DOCK3: variants seen among roughly 807,000 people sequenced by gnomAD.
DOCK3 encodes dedicator of cytokinesis 3.
In DOCK3, 60 loss-of-function variants were observed where a neutral mutation model predicts 265.6. The ratio of observed to expected loss-of-function variants is 0.23; its 90% CI spans 0.18 to 0.28. DOCK3 has a LOEUF of 0.28. Among genes scored for constraint, DOCK3 ranks in the 10% least tolerant of loss-of-function variants. The pLI is 1.00. For synonymous variants in DOCK3, 881 were observed against 938.0 expected (o/e 0.94, Z 1.11); for missense variants, 1,981 against 2,594.3 (o/e 0.76, Z 5.14).
intron 29 of DOCK3, 35 bp downstream of exon 29, chr3:51,312,114 C>G (rs775738333): frequency 6.4e-7 from 1 of 1,554,408 alleles, no homozygotes. Flanking sequence ...ACTATTATTG[C>G]AATAACCTTA....
intron 1 of DOCK3, among the ~76,000 whole-genome samples, chr3:50,776,323 C>T (rs936321804): frequency 1.3e-5 from 2 of 152,028 alleles, no homozygotes; most frequent in African/African-American, 2.4e-5. Flanking sequence ...ATTTGCATTT[C>T]CCAGAGGATT....
At chr3:51,362,719 T>G in intron 49 of DOCK3, 45 bp downstream of exon 49, 1 of 1,599,206 alleles carries the variant, frequency 6.3e-7, no homozygotes, top group South Asian at 1.1e-5. Flanking sequence ...AAGAGAGGTC[T>G]TCATCAACGC....
At chr3:51,328,196 C>T (rs1346459023) in intron 32 of DOCK3, among the ~76,000 whole-genome samples, 1 of 152,124 alleles carries the variant, frequency 6.6e-6, no homozygotes, top group African/African-American at 2.4e-5. Flanking sequence ...TATTTAGGCG[C>T]CAGTGGACTG....
intron 2 of DOCK3, among the ~76,000 whole-genome samples, chr3:50,830,872 C>A (rs1274172708): frequency 2.0e-5 from 3 of 152,178 alleles, no homozygotes; most frequent in Non-Finnish European, 4.4e-5. Context: ...ACAGGCAGAG[C>A]AGCCCTCCTG....
At chr3:51,099,645 GT>G (rs1316832342) in intron 9 of DOCK3, among the ~76,000 whole-genome samples, 1 of 152,178 alleles carries the variant, frequency 6.6e-6, no homozygotes, top group Non-Finnish European at 1.5e-5. Flanking sequence ...TGCACCAAAT[GT>G]TTATTTTTAC....
intron 5 of DOCK3, among the ~76,000 whole-genome samples, chr3:51,020,573 G>A (rs1356394524): frequency 6.6e-6 from 1 of 151,848 alleles, no homozygotes; most frequent in Non-Finnish European, 1.5e-5. Context: ...TTATTGCCTA[G>A]GTTGTCTTCC....
intron 3 of DOCK3, among the ~76,000 whole-genome samples, chr3:50,843,417 A>G (rs968909793): frequency 1.4e-4 from 21 of 152,186 alleles, no homozygotes; most frequent in African/African-American, 5.1e-4. Flanking sequence ...GGGTTTCTCT[A>G]TTTCCATGTG....
At chr3:50,971,954 A>G (rs1416905059) in intron 5 of DOCK3, among the ~76,000 whole-genome samples, 1 of 152,224 alleles carries the variant, frequency 6.6e-6, no homozygotes, top group Non-Finnish European at 1.5e-5. Context: ...TCCATGACCT[A>G]TACAGGCAGG....
intron 4 of DOCK3, among the ~76,000 whole-genome samples, chr3:50,925,323 A>G (rs1168049487): frequency 6.6e-6 from 1 of 152,222 alleles, no homozygotes; most frequent in African/African-American, 2.4e-5. Context: ...TATTTTATGT[A>G]TATCAGATTG....
intron 23 of DOCK3, 82 bp downstream of exon 23, chr3:51,260,408 G>A: frequency 1.4e-6 from 2 of 1,432,556 alleles, no homozygotes; most frequent in Non-Finnish European, 1.9e-6. Flanking sequence ...TTTCAGAGAT[G>A]AAGAAGCCCT....
At chr3:51,047,695 G>T (rs2080831513) in intron 5 of DOCK3, among the ~76,000 whole-genome samples, 1 of 152,080 alleles carries the variant, frequency 6.6e-6, no homozygotes. Flanking sequence ...TGATCAAGAA[G>T]AAGGATAAAG....
chr3:51,170,435 A>G (rs1438809970), intron 12 of DOCK3, among the ~76,000 whole-genome samples: 1 of 150,944 alleles, frequency 6.6e-6, no homozygotes, highest in Non-Finnish European at 1.5e-5. Flanking sequence ...CTTATTATTG[A>G]TTTTTTTTTA....
chr3:50,787,836 T>A, intron 2 of DOCK3: 1 of 1,116,728 alleles, frequency 9.0e-7, no homozygotes, highest in Non-Finnish European at 1.3e-6. Context: ...CCTCATTGTT[T>A]AAGAACAGGA....
chr3:51,178,645 A>G (rs2087109208), intron 12 of DOCK3, among the ~76,000 whole-genome samples: 1 of 152,128 alleles, frequency 6.6e-6, no homozygotes, highest in Non-Finnish European at 1.5e-5. Flanking sequence ...TTTTCTTCAC[A>G]GGGATAGAAG....
Position 51,208,871 on chromosome 3 carries a change from C to T in DOCK3, c.1126+9C>T, listed in dbSNP as rs1181002673. On this transcript the variant is annotated intron_variant, in intron 13 of 52. Transcript: ENST00000266037. ...CCCCAGCGCCAGCCATGGTGAGATA[C>T]TTCTCTGACTAGAACATTTTGTGTT... The T allele has an allele frequency of 6.2e-7, 1 of 1,604,684 alleles. No homozygotes were observed.
chr3:51,148,424 A>G (rs144248093), intron 10 of DOCK3, among the ~76,000 whole-genome samples: 5 of 152,324 alleles, frequency 3.3e-5, no homozygotes, highest in African/African-American at 9.6e-5. Context: ...GCCAATGCCT[A>G]TGTCCTGAAT....
intron 35 of DOCK3, among the ~76,000 whole-genome samples, chr3:51,336,417 A>T (rs990382202): frequency 6.6e-6 from 1 of 151,702 alleles, no homozygotes; most frequent in Non-Finnish European, 1.5e-5. Context: ...TGGAACCTCT[A>T]CCTGGAATGG....
chr3:51,283,270 A>C (rs962874220), intron 27 of DOCK3, among the ~76,000 whole-genome samples: 1 of 152,186 alleles, frequency 6.6e-6, no homozygotes, highest in African/African-American at 2.4e-5. Flanking sequence ...CTGCACCATA[A>C]AATCAGGAAA....
chr3:51,016,978 A>ATATT (rs1553734393), intron 5 of DOCK3, among the ~76,000 whole-genome samples: 1 of 113,378 alleles, frequency 8.8e-6, no homozygotes, highest in Non-Finnish European at 1.8e-5. Context: ...ATATAAATAA[A>ATATT]TGGTAAAATT....
Sources: allele counts gnomAD v4.1 joint callset (sites outside exome capture counted in the v4.1 genomes callset), GRCh38; gene constraint gnomAD v4.1.1; transcripts MANE v1.5; gene names NCBI Gene and HGNC (gene_info 2026-07-23, HGNC 2026-07-21).